Variants in CARS1 observed in about 807,000 individuals in gnomAD.
The protein encoded by CARS1 is cysteinyl-tRNA synthetase 1.
Under a neutral mutation model 106.2 loss-of-function variants are expected in CARS1, and 48 were observed. That is an observed-to-expected ratio of 0.45 (90% confidence interval 0.36 to 0.57). The LOEUF (loss-of-function observed/expected upper bound fraction) is 0.57, where lower values mean the gene tolerates loss of function less well. CARS1 is among the 20% of genes least tolerant of loss of function. CARS1 has a pLI of 0.00. For synonymous variants in CARS1, 409 were observed against 403.4 expected (o/e 1.01, Z -0.17); for missense variants, 968 against 1,057.2 (o/e 0.92, Z 1.17).
At chr11:3,027,746 C>T in intron 9 of CARS1, 1 of 440,476 alleles carries the variant, frequency 2.3e-6, no homozygotes, top group Admixed American at 2.4e-5. Context: ...GACACGGCCA[C>T]CAGAAGGGTT....
rs1257901732 is a variant in CARS1 at position 3,043,798 on chromosome 11, G to A, written c.275-1542C>T. On this transcript the variant is annotated intron_variant, in intron 2 of 22. Transcript: ENST00000380525. This position sits in a 1 kb window ranked among gnomAD's most constrained non-coding sequence, Gnocchi z 4.0. ...ACTAACAGGCCAAGGGGAGGAAGGA[G>A]GGCGGCTGCACTGTGTCTGGGCAGT... Among the ~76,000 whole-genome samples the A allele has an allele frequency of 6.6e-6, 1 of 152,120 alleles. No homozygotes were observed. Among genetic ancestry groups the A allele is most frequent in the Non-Finnish European group, 1.5e-5 (1 of 68,024 alleles).
At position 3,003,174 on chromosome 11, in the gene CARS1, G is replaced by C. The variant is rs185886068; in HGVS notation, c.2218-574C>G. On this transcript the variant is annotated intron_variant, in intron 20 of 22. Coordinates refer to ENST00000380525, the MANE Select transcript of CARS1 (RefSeq NM_001014437.3). The surrounding 1 kb of genome is among the most constrained non-coding windows in gnomAD (Gnocchi z 4.8). ...GCTTATTAGTGGAGCCAGCAGGCTG[G>C]GTGCCGGTGAGGGAAGCCCTCGGTT... 1.0e-3 allele frequency among the ~76,000 whole-genome samples: 154 copies of C among 150,760 alleles called. No individual in the cohort carries two copies. Among genetic ancestry groups the C allele is most frequent in the African/African-American group, 3.4e-3 (140 of 41,424 alleles).
intron 7 of CARS1, among the ~76,000 whole-genome samples, chr11:3,035,328 G>C (rs1853472492): frequency 6.6e-6 from 1 of 152,132 alleles, no homozygotes; most frequent in South Asian, 2.1e-4. Flanking sequence ...CTCAGTCTCA[G>C]GAGAGGTTGG....
In CARS1 at chr11:3,001,217, T is replaced by C; in HGVS notation, c.2393A>G (p.Glu798Gly). 1 of 1,614,000 alleles carries C rather than the reference T, an allele frequency of 6.2e-7. No individual in the cohort carries two copies. The highest frequency in any genetic ancestry group is 8.5e-7 in the Non-Finnish European group (1 of 1,180,038). ...CTTCTTGGCTTGCCCTTTGCTGAGC[T>C]CTTTGCCCTCCATGTCATGTGTGGG... ...GLPTHDMEGKELSKGQAKKLK... is the reference protein window; with the variant it reads ...GLPTHDMEGKGLSKGQAKKLK... The change falls in exon 23 of 23, where the codon GAG (glutamate) becomes GGG (glycine). Residue 798 changes from glutamate (E) to glycine (G), a missense_variant. Transcript: ENST00000380525.
chr11:3,009,655 T>G (rs1264358892), intron 18 of CARS1: 6 of 152,440 alleles, frequency 3.9e-5, no homozygotes, highest in African/African-American at 1.4e-4. Context: ...CTCACTTCAG[T>G]GCCTCTCTCC....
At position 3,038,173 on chromosome 11, in the gene CARS1, G is replaced by A; in HGVS notation, c.678C>T (p.Thr226=). The A allele has an allele frequency of 1.2e-6, 2 of 1,614,008 alleles. No homozygotes were observed. The highest frequency in any genetic ancestry group is 8.5e-7 in the Non-Finnish European group (1 of 1,179,928). Residue 226 remains threonine (T), a synonymous_variant, in exon 7 of 23, where the codon ACC becomes ACT. Transcript: ENST00000380525. The surrounding 1 kb of genome is among the most constrained non-coding windows in gnomAD (Gnocchi z 4.0). ...LKPFSVKLNE[T]TDPDKKQMLE... ...GCATCTGCTTTTTATCGGGATCCGT[G>A]GTCTCATTTAATTTTACTGAAAATG...
chr11:3,013,815 T>C (rs1850733679), intron 17 of CARS1, among the ~76,000 whole-genome samples: 1 of 152,172 alleles, frequency 6.6e-6, no homozygotes, highest in African/African-American at 2.4e-5. Flanking sequence ...ATTGCGCTAC[T>C]GCACTCCAGC....
Position 3,018,229 on chromosome 11 carries a change from C to G in CARS1, c.1629+179G>C, listed in dbSNP as rs894415420. ...GCCTCTGTCCACTCTGCTGAGCCGTCAGCCATTTCAGGAGTGGCCCCGAGC... is the reference window on the plus strand; with the variant it reads ...GCCTCTGTCCACTCTGCTGAGCCGTGAGCCATTTCAGGAGTGGCCCCGAGC... On this transcript the variant is annotated intron_variant, in intron 14 of 22. Coordinates refer to ENST00000380525, the MANE Select transcript of CARS1 (RefSeq NM_001014437.3). 8.1e-6 allele frequency: 5 copies of G among 614,746 alleles called. No individual in the cohort carries two copies. In the African/African-American group the frequency reaches 9.2e-5, roughly 11 times the overall value. 38.1% of individuals were successfully genotyped at this position (614,746 alleles called of 1,614,324 possible).
At chr11:3,002,415 G>T in intron 21 of CARS1, 126 bp downstream of exon 21, 2 of 1,512,876 alleles carry the variant, frequency 1.3e-6, no homozygotes, top group South Asian at 1.3e-5. Flanking sequence ...GCAGAAAGCG[G>T]AGCTCCTTCT....
chr11:3,042,132 G>T, intron 3 of CARS1, 33 bp downstream of exon 3: 1 of 1,535,408 alleles, frequency 6.5e-7, no homozygotes. Context: ...TCCCCATTGT[G>T]TGCGTGTGCC....
chr11:3,016,717 G>A (rs1256274095), intron 16 of CARS1, among the ~76,000 whole-genome samples: 1 of 151,668 alleles, frequency 6.6e-6, no homozygotes, highest in Non-Finnish European at 1.5e-5. Flanking sequence ...GGGCTCAAGC[G>A]AGCCCCTCAC....
At chr11:3,047,644 G>C (rs1855235652) in intron 2 of CARS1, 109 bp downstream of exon 2, 20 of 1,423,218 alleles carry the variant, frequency 1.4e-5, no homozygotes, top group Non-Finnish European at 1.8e-5. Flanking sequence ...CTTGGGCGAG[G>C]CTCCCTCTGG....
intron 22 of CARS1, 40 bp downstream of exon 22, chr11:3,001,930 T>A: frequency 6.9e-7 from 1 of 1,440,092 alleles, no homozygotes; most frequent in Middle Eastern, 1.7e-4. Context: ...TGTGGTCTGA[T>A]CAAGTTCTGA....
Position 3,041,153 on chromosome 11 carries a change from G to A in CARS1, c.367-169C>T. ...GTCACAGTCTCAGTGGGAGCCCAGTGAGATGTACGGCACCTCCCACCAACT... is the reference window on the plus strand; with the variant it reads ...GTCACAGTCTCAGTGGGAGCCCAGTAAGATGTACGGCACCTCCCACCAACT... On this transcript the variant is annotated intron_variant, in intron 3 of 22. Coordinates refer to ENST00000380525, the MANE Select transcript of CARS1 (RefSeq NM_001014437.3). The surrounding 1 kb of genome is among the most constrained non-coding windows in gnomAD (Gnocchi z 4.9). The A allele has an allele frequency of 9.5e-7, 1 of 1,050,808 alleles. No individual in the cohort carries two copies. The highest frequency in any genetic ancestry group is 1.6e-5 in the South Asian group (1 of 62,760). 65.1% of individuals were successfully genotyped at this position (1,050,808 alleles called of 1,614,324 possible).
intron 14 of CARS1, 170 bp from the exon 15 acceptor site, chr11:3,018,124 C>A: frequency 3.2e-6 from 2 of 620,342 alleles, no homozygotes; most frequent in Non-Finnish European, 5.7e-6. Context: ...GAAACATGCT[C>A]TTGCTTTAGG....
rs1388412411 is a variant in CARS1, at chr11:3,012,279, G to A, written c.1987-3C>T. 1 of 1,613,882 alleles carries A rather than the reference G, an allele frequency of 6.2e-7. No homozygotes were observed. The highest frequency in any genetic ancestry group is 8.5e-7 in the Non-Finnish European group (1 of 1,179,834). Reference sequence around the variant, plus strand: ...TAGGGCATGACTGTGGCCTCGAGCTGCGGAAAGAACAGTTTTGGTTCACTG... The same window carrying A: ...TAGGGCATGACTGTGGCCTCGAGCTACGGAAAGAACAGTTTTGGTTCACTG... On this transcript the variant is annotated splice_region_variant and splice_polypyrimidine_tract_variant and intron_variant, in intron 17 of 22. Transcript: ENST00000380525.
intron 19 of CARS1, among the ~76,000 whole-genome samples, chr11:3,006,361 G>T (rs374270572): frequency 1.3e-5 from 2 of 152,186 alleles, no homozygotes; most frequent in South Asian, 2.1e-4. Flanking sequence ...CAGGAGAATC[G>T]CTTGAACCCG....
In CARS1 at chr11:3,041,246, G is replaced by T; in HGVS notation, c.367-262C>A. 3 of 466,886 alleles carry T rather than the reference G, an allele frequency of 6.4e-6. No individual in the cohort carries two copies. The highest frequency in any genetic ancestry group is 2.9e-5 in the South Asian group (1 of 34,578). The allele number at this position is 466,886 out of a possible 1,614,324, so 28.9% of individuals were successfully genotyped here. A position where few individuals can be genotyped will look rare whatever the true frequency, so the allele number is the denominator to read the frequency against. Reference sequence around the variant, plus strand: ...TCATCTATGGAGGGAGGCGATAAAGGGAATCAATGATTTTATTGATTGTTG... The same window carrying T: ...TCATCTATGGAGGGAGGCGATAAAGTGAATCAATGATTTTATTGATTGTTG... On this transcript the variant is annotated intron_variant, in intron 3 of 22. Transcript: ENST00000380525. This position sits in a 1 kb window ranked among gnomAD's most constrained non-coding sequence, Gnocchi z 4.9.
chr11:3,015,099 C>T (rs1240563279), intron 17 of CARS1, among the ~76,000 whole-genome samples: 1 of 152,202 alleles, frequency 6.6e-6, no homozygotes, highest in African/African-American at 2.4e-5. Context: ...AAGGACAGGA[C>T]TGACAGTGTG....
Sources: allele counts gnomAD v4.1 joint callset (sites outside exome capture counted in the v4.1 genomes callset), GRCh38; gene constraint gnomAD v4.1.1; non-coding constraint Gnocchi (gnomAD v3.1); transcripts MANE v1.5; gene names NCBI Gene and HGNC (gene_info 2026-07-23, HGNC 2026-07-21).